GLI2: variants seen among roughly 807,000 people sequenced by gnomAD.
GLI2 encodes GLI family zinc finger 2, also known as transcription activator GLI2.
A neutral mutation model predicts 78.9 loss-of-function variants in GLI2; 22 were observed. The ratio of observed to expected loss-of-function variants is 0.28; its 90% CI spans 0.20 to 0.40. The LOEUF is 0.40. GLI2 is among the 10% of genes least tolerant of loss of function. GLI2 has a pLI of 1.00. For synonymous variants in GLI2, 974 were observed against 963.7 expected (o/e 1.01, Z -0.20); for missense variants, 2,097 against 2,213.2 (o/e 0.95, Z 1.05).
rs375115603 is a variant in GLI2, at chr2:120,984,732, G to A, written c.1894G>A (p.Glu632Lys). The change falls in exon 12 of 14, where the codon GAG becomes AAG. Residue 632 changes from glutamate to lysine, a missense_variant. Physicochemically the swap from Glu to Lys is moderately conservative, Grantham distance 56. Coordinates refer to ENST00000361492, the MANE Select transcript of GLI2 (RefSeq NM_001374353.1). ...DCLHVRAIKT[E>K]SSGLCQSSPG... is the part of the protein sequence containing the mutation. ...CCTGCACGTCAGAGCCATCAAGACC[G>A]AGAGCTCCGGGGTAAGCGGAGCTGG... 1.2e-5 allele frequency: 19 copies of A among 1,612,532 alleles called. No individual in the cohort carries two copies. Among genetic ancestry groups the A allele is most frequent in the African/African-American group, 5.3e-5 (4 of 74,924 alleles).
At chr2:120,794,779 A>G (rs1002782788) in intron 1 of GLI2, among the ~76,000 whole-genome samples, 9 of 152,140 alleles carry the variant, frequency 5.9e-5, no homozygotes, top group African/African-American at 2.2e-4. Flanking sequence ...CAGACTCTTA[A>G]GGGGCGGATT....
At chr2:120,960,969 G>A (rs561184809) in intron 5 of GLI2, among the ~76,000 whole-genome samples, 3 of 152,340 alleles carry the variant, frequency 2.0e-5, no homozygotes, top group South Asian at 4.1e-4. Flanking sequence ...TCAGGGAACC[G>A]AGGTCATCAT....
At chr2:120,844,847 G>T (rs1687037890) in intron 2 of GLI2, among the ~76,000 whole-genome samples, 1 of 152,134 alleles carries the variant, frequency 6.6e-6, no homozygotes, top group Non-Finnish European at 1.5e-5. Flanking sequence ...CCCACATAGT[G>T]TCCTGAAAAT....
chr2:120,932,702 G>C (rs564533438), intron 3 of GLI2, among the ~76,000 whole-genome samples: 1 of 152,340 alleles, frequency 6.6e-6, no homozygotes, highest in East Asian at 1.9e-4. Context: ...TGTGAGTAAA[G>C]CGTCTAGAAC....
intron 2 of GLI2, among the ~76,000 whole-genome samples, chr2:120,860,903 A>ATGTACCTGGCCCAAGGATTGT (rs1687871113): frequency 1.3e-5 from 2 of 152,188 alleles, no homozygotes; most frequent in Admixed American, 1.3e-4. Context: ...GCCAGGGTTA[A>ATGTACCTGGCCCAAGGATTGT]TGTACCTGGC....
At chr2:120,938,289 C>T (rs546674800) in intron 3 of GLI2, among the ~76,000 whole-genome samples, 10 of 152,326 alleles carry the variant, frequency 6.6e-5, no homozygotes, top group African/African-American at 2.2e-4. Context: ...CCCTGCTCCA[C>T]CAATGTCTTC....
At chr2:120,776,219 AC>A (rs1372925827) in intron 1 of GLI2, among the ~76,000 whole-genome samples, 4 of 152,222 alleles carry the variant, frequency 2.6e-5, no homozygotes, top group Admixed American at 6.5e-5. Flanking sequence ...TCTTCGCAGC[AC>A]CGGACATGTT....
chr2:120,759,450 A>C (rs1049876444), intron 1 of GLI2, among the ~76,000 whole-genome samples: 8 of 152,146 alleles, frequency 5.3e-5, no homozygotes, highest in Non-Finnish European at 1.0e-4. Context: ...CTTGGGTTTG[A>C]TTAATGTGCT....
At chr2:120,933,968 A>G (rs929080778) in intron 3 of GLI2, among the ~76,000 whole-genome samples, 2 of 152,124 alleles carry the variant, frequency 1.3e-5, no homozygotes, top group African/African-American at 4.8e-5. Flanking sequence ...AGAGGTTCCC[A>G]AACCTGGCTG....
At chr2:120,872,047 T>C (rs1049049745) in intron 2 of GLI2, among the ~76,000 whole-genome samples, 31 of 151,724 alleles carry the variant, frequency 2.0e-4, no homozygotes, top group Non-Finnish European at 1.6e-4. Flanking sequence ...TGCAGGCGGG[T>C]GAGGGGCCCT....
intron 7 of GLI2, among the ~76,000 whole-genome samples, chr2:120,971,373 C>T (rs971152931): frequency 3.3e-5 from 5 of 152,372 alleles, no homozygotes; most frequent in African/African-American, 1.2e-4. Flanking sequence ...GATGTGGCTA[C>T]ACCCTTGGAA....
At chr2:120,794,835 G>T (rs1484565286) in intron 1 of GLI2, among the ~76,000 whole-genome samples, 1 of 152,048 alleles carries the variant, frequency 6.6e-6, no homozygotes, top group East Asian at 1.9e-4. Flanking sequence ...GAATTTCTAG[G>T]CCAAAAGGAG....
intron 2 of GLI2, among the ~76,000 whole-genome samples, chr2:120,826,582 A>G (rs1195669492): frequency 6.6e-6 from 1 of 152,146 alleles, no homozygotes; most frequent in Admixed American, 6.5e-5. Flanking sequence ...TTTTTATCTC[A>G]TGTATGGTCT....
intron 1 of GLI2, among the ~76,000 whole-genome samples, chr2:120,777,749 TG>T (rs1356301230): frequency 1.4e-5 from 1 of 71,784 alleles, no homozygotes; most frequent in Non-Finnish European, 2.6e-5. Flanking sequence ...CACAGAAGCT[TG>T]GGGGGTCTCT....
intron 2 of GLI2, among the ~76,000 whole-genome samples, chr2:120,863,883 C>T (rs1688010733): frequency 6.6e-6 from 1 of 152,124 alleles, no homozygotes. Context: ...GTTGATGGGG[C>T]TGAGGCGTCA....
intron 3 of GLI2, among the ~76,000 whole-genome samples, chr2:120,935,485 C>T (rs532260784): frequency 6.6e-6 from 1 of 152,332 alleles, no homozygotes; most frequent in Non-Finnish European, 1.5e-5. Flanking sequence ...CCCTCCCCAT[C>T]TCTGGGCTGT....
chr2:120,852,033 AG>A (rs1573480114), intron 2 of GLI2, among the ~76,000 whole-genome samples: 1 of 152,322 alleles, frequency 6.6e-6, no homozygotes, highest in East Asian at 1.9e-4. Context: ...TTGAGGAGTG[AG>A]CTGAGACTGG....
At chr2:120,814,329 G>A (rs527609301) in intron 2 of GLI2, among the ~76,000 whole-genome samples, 1 of 152,324 alleles carries the variant, frequency 6.6e-6, no homozygotes, top group South Asian at 2.1e-4. Context: ...ATTTCTGGGG[G>A]CTTAGGAAGC....
At chr2:120,976,411 G>A (rs896284050) in intron 9 of GLI2, among the ~76,000 whole-genome samples, 3 of 152,194 alleles carry the variant, frequency 2.0e-5, no homozygotes, top group African/African-American at 7.2e-5. Flanking sequence ...CCCAGCAAAC[G>A]AATGCAGCTG....
Sources: gnomAD v4.1 joint callset for allele counts (sites outside exome capture counted in the v4.1 genomes callset) on GRCh38, gnomAD v4.1.1 for gene constraint, MANE v1.5 for transcripts, NCBI Gene and HGNC (gene_info 2026-07-23, HGNC 2026-07-21) for gene names.